Variants in DPP6 observed in about 807,000 individuals in gnomAD.
DPP6 encodes the protein A-type potassium channel modulatory protein DPP6.
In DPP6, 69 loss-of-function variants were observed where a neutral mutation model predicts 122.6. That is an observed-to-expected ratio of 0.56 (90% CI 0.46 to 0.69). The LOEUF is 0.69. Ranked by LOEUF, DPP6 falls within the 30% of genes least tolerant of loss-of-function variation. The pLI is 0.00. For synonymous variants in DPP6, 418 were observed against 433.1 expected, an observed-to-expected ratio of 0.97 and a Z score of 0.43; for missense variants, 928 against 1,116.9, an observed-to-expected ratio of 0.83 and a Z score of 2.41.
rs915468915 is a variant in DPP6 at position 154,101,935 on chromosome 7, C to CAAA, written c.243+48894_243+48896dup. Reference sequence around the variant, plus strand: ...AAGAGCAAAACTCCATACTCCATCTCAAAAAAAAAAAAAAAAAAAAAAAAG... The same window carrying CAAA: ...AAGAGCAAAACTCCATACTCCATCTCAAAAAAAAAAAAAAAAAAAAAAAAAAAG... On this transcript the variant is annotated intron_variant, in intron 1 of 25. Transcript: ENST00000377770. 5.5e-3 allele frequency among the ~76,000 whole-genome samples: 226 copies of CAAA among 40,734 alleles called. 3 individuals carry two copies. The highest frequency in any genetic ancestry group is 0.015 in the African/African-American group (161 of 10,440). 26.7% of individuals were successfully genotyped at this position (40,734 alleles called of 152,430 possible).
intron 11 of DPP6, 126 bp downstream of exon 11, chr7:154,794,328 C>CTGG: frequency 7.3e-7 from 1 of 1,363,898 alleles, no homozygotes; most frequent in Non-Finnish European, 9.5e-7. Context: ...CCAGCTGCTG[C>CTGG]GGGGAGCCCG....
rs573224552 is a variant in DPP6 at position 154,096,412 on chromosome 7, G to A, written c.243+43349G>A. ...ATTCCAGTTCTAGAAAATGGCAAGA[G>A]GTAAATGCCAACAGTGGGTATTTAT... is the stretch of plus-strand genomic sequence containing the variant. On this transcript the variant is annotated intron_variant, in intron 1 of 25. Transcript: ENST00000377770. Among the ~76,000 whole-genome samples, 40 of 127,378 alleles carry A rather than the reference G, an allele frequency of 3.1e-4. 1 individual carries two copies. The East Asian group carries it at 7.5e-3, about 24-fold the overall frequency. The allele number at this position is 127,378 out of a possible 152,430, so 83.6% of individuals were successfully genotyped here.
At chr7:154,152,817 C>G (rs1796489641) in intron 1 of DPP6, among the ~76,000 whole-genome samples, 1 of 152,258 alleles carries the variant, frequency 6.6e-6, no homozygotes, top group Non-Finnish European at 1.5e-5. Flanking sequence ...GCAGCACACA[C>G]TGGCTGAGTC....
At chr7:154,028,766 A>G (rs1301737275) in intron 1 of DPP6, among the ~76,000 whole-genome samples, 4 of 152,092 alleles carry the variant, frequency 2.6e-5, no homozygotes, top group Non-Finnish European at 5.9e-5. Flanking sequence ...ACTCCATGCT[A>G]TGGCCTTCTC....
chr7:154,530,959 A>T (rs1827794633), intron 3 of DPP6, among the ~76,000 whole-genome samples: 1 of 152,142 alleles, frequency 6.6e-6, no homozygotes, highest in Non-Finnish European at 1.5e-5. Context: ...GAACATATGG[A>T]CACATTGCAG....
At chr7:153,926,318 T>C (rs1800898501) in intron 1 of DPP6, among the ~76,000 whole-genome samples, 1 of 152,230 alleles carries the variant, frequency 6.6e-6, no homozygotes, top group South Asian at 2.1e-4. Flanking sequence ...TGAAATCACA[T>C]TTCTATCCTA....
At chr7:154,844,734 CAGTT>C (rs1279383680) in intron 16 of DPP6, among the ~76,000 whole-genome samples, 4 of 152,154 alleles carry the variant, frequency 2.6e-5, no homozygotes, top group East Asian at 1.9e-4. Context: ...GGCAGAGACT[CAGTT>C]AGACTGCCTG....
rs117992139 is a variant in DPP6 at position 154,487,088 on chromosome 7, G to A, written c.457+12051G>A. Among the ~76,000 whole-genome samples, 1,031 of 152,170 alleles carry A rather than the reference G, an allele frequency of 6.8e-3. 8 individuals carry two copies. Among genetic ancestry groups the A allele is most frequent in the South Asian group, 0.014 (66 of 4,820 alleles). The stretch of plus-strand genomic sequence containing the variant: ...AGACCCCGGCCAAGACTGAAATCGC[G>A]TTTCAACTTTATTTGTTTGCAGTAT... On this transcript the variant is annotated intron_variant, in intron 3 of 25. Coordinates refer to ENST00000377770, the MANE Select transcript of DPP6 (RefSeq NM_130797.4).
chr7:154,321,094 C>G (rs1283472423), intron 1 of DPP6, among the ~76,000 whole-genome samples: 2 of 152,000 alleles, frequency 1.3e-5, no homozygotes, highest in Non-Finnish European at 2.9e-5. Context: ...ACAGTTTAGG[C>G]AGCATGGCAA....
At chr7:154,465,939 A>C (rs535408343) in intron 2 of DPP6, among the ~76,000 whole-genome samples, 2 of 152,368 alleles carry the variant, frequency 1.3e-5, no homozygotes, top group South Asian at 4.1e-4. Flanking sequence ...TCACAATAGC[A>C]AAGACTTGGA....
rs760928910 is a variant in DPP6, at chr7:154,760,662, T to G, written c.884-8755T>G. On this transcript the variant is annotated intron_variant, in intron 8 of 25. Coordinates refer to ENST00000377770, the MANE Select transcript of DPP6 (RefSeq NM_130797.4). The surrounding 1 kb of genome is among the most constrained non-coding windows in gnomAD (Gnocchi z 4.5). ...AAATGAGTGAGAAACGAGAACATCC[T>G]TGCCACACTGGGACCTGTTTGAGCG... 1.2e-4 allele frequency among the ~76,000 whole-genome samples: 18 copies of G among 152,098 alleles called. No homozygotes were observed. Among genetic ancestry groups the G allele is most frequent in the African/African-American group, 1.9e-4 (8 of 41,416 alleles).
intron 1 of DPP6, among the ~76,000 whole-genome samples, chr7:154,184,107 C>T (rs1798235066): frequency 1.3e-5 from 2 of 151,992 alleles, no homozygotes; most frequent in Admixed American, 6.6e-5. Flanking sequence ...GCATGGCAGA[C>T]GGGCAGGACC....
chr7:154,251,963 A>G (rs1425600393), intron 1 of DPP6, among the ~76,000 whole-genome samples: 1 of 152,232 alleles, frequency 6.6e-6, no homozygotes, highest in East Asian at 1.9e-4. Flanking sequence ...TCAAGCTGAC[A>G]GTTAATATTA....
intron 1 of DPP6, among the ~76,000 whole-genome samples, chr7:154,363,955 C>T (rs1228207623): frequency 6.6e-6 from 1 of 152,106 alleles, no homozygotes; most frequent in Non-Finnish European, 1.5e-5. Context: ...AAAAACAAAA[C>T]AGCAATCCTG....
In DPP6 at chr7:154,204,314, T is replaced by G. The variant is rs183724622; in HGVS notation, c.243+151251T>G. Among the ~76,000 whole-genome samples the G allele has an allele frequency of 2.9e-3, 448 of 152,328 alleles. 5 individuals are homozygous for G. The highest frequency in any genetic ancestry group is 2.7e-3 in the Non-Finnish European group (186 of 68,042). On this transcript the variant is annotated intron_variant, in intron 1 of 25. Transcript: ENST00000377770. ...TGAGGAACTAAACTGCTTTGACAGC[T>G]CCTGTGTCTCCTGGATGGGAAGTGG... is the stretch of plus-strand genomic sequence containing the variant.
the DPP6 span, among the ~76,000 whole-genome samples, chr7:153,764,790 C>T: frequency 7.3e-5 from 11 of 151,356 alleles, no homozygotes; most frequent in African/African-American, 2.4e-4. Context: ...TCACTTCTGG[C>T]TTATGAGAAA....
At chr7:154,016,020 C>T (rs1175137538) in intron 1 of DPP6, among the ~76,000 whole-genome samples, 8 of 152,188 alleles carry the variant, frequency 5.3e-5, no homozygotes, top group Admixed American at 3.3e-4. Context: ...GCCATATCGG[C>T]CCACGTTCTA....
intron 8 of DPP6, among the ~76,000 whole-genome samples, chr7:154,729,511 A>C (rs1261667012): frequency 6.6e-6 from 1 of 152,218 alleles, no homozygotes; most frequent in Non-Finnish European, 1.5e-5. Context: ...CATCAGAAGG[A>C]CAGTTTGATG....
At chr7:153,896,645 T>A (rs1325756953) in intron 1 of DPP6, among the ~76,000 whole-genome samples, 3 of 151,990 alleles carry the variant, frequency 2.0e-5, no homozygotes, top group Non-Finnish European at 2.9e-5. Flanking sequence ...TACAAAAAAA[T>A]TTTTAAAAAT....
Sources: gnomAD v4.1 joint callset for allele counts (sites outside exome capture counted in the v4.1 genomes callset) on GRCh38, gnomAD v4.1.1 for gene constraint, Gnocchi (gnomAD v3.1) non-coding constraint, MANE v1.5 for transcripts, NCBI Gene and HGNC (gene_info 2026-07-23, HGNC 2026-07-21) for gene names.